PXDNL: variants seen among roughly 807,000 people sequenced by gnomAD.
The protein encoded by PXDNL is peroxidasin like.
PXDNL carries 145 observed loss-of-function variants against 150.8 expected under a neutral mutation model. The ratio of observed to expected loss-of-function variants is 0.96; its 90% CI spans 0.84 to 1.10. The LOEUF is 1.10. Among genes scored for constraint, PXDNL ranks in the 50% least tolerant of loss-of-function variants. The pLI, the probability that PXDNL is intolerant of heterozygous loss-of-function variation, is 0.00. For synonymous variants in PXDNL, 757 were observed against 725.7 expected (o/e 1.04, Z -0.69); for missense variants, 2,087 against 1,873.9 (o/e 1.11, Z -2.10).
intron 3 of PXDNL, among the ~76,000 whole-genome samples, chr8:51,586,100 C>T (rs537487125): frequency 1.3e-5 from 2 of 152,254 alleles, no homozygotes; most frequent in East Asian, 3.9e-4. Flanking sequence ...AAATATGGAG[C>T]CTGTTTCTCC....
At chr8:51,807,888 A>T (rs982934202) in intron 1 of PXDNL, among the ~76,000 whole-genome samples, 1 of 152,228 alleles carries the variant, frequency 6.6e-6, no homozygotes, top group Non-Finnish European at 1.5e-5. Flanking sequence ...CTGTCATTAC[A>T]AAAGGACAAA....
At chr8:51,783,060 G>T (rs1190528418) in intron 1 of PXDNL, among the ~76,000 whole-genome samples, 3 of 152,230 alleles carry the variant, frequency 2.0e-5, no homozygotes, top group Admixed American at 6.5e-5. Context: ...GAGTTAAAAT[G>T]TATTATTGCA....
chr8:51,620,335 G>T (rs1211665124), intron 2 of PXDNL, among the ~76,000 whole-genome samples: 2 of 152,132 alleles, frequency 1.3e-5, no homozygotes, highest in Admixed American at 6.5e-5. Flanking sequence ...ATCTCAATAT[G>T]TGAGATGGAA....
chr8:51,486,767 TATATATATATATATATATATATATATA>T (rs1563433352), intron 5 of PXDNL, among the ~76,000 whole-genome samples: 117 of 9,284 alleles, frequency 0.013, 3 homozygotes, highest in South Asian at 0.087. Context: ...TATATATATA[TATATATATATATATATATATATATATA>T]TTTTTTTTTT....
intron 1 of PXDNL, among the ~76,000 whole-genome samples, chr8:51,754,604 T>A (rs894007078): frequency 1.3e-5 from 2 of 151,968 alleles, no homozygotes; most frequent in Non-Finnish European, 2.9e-5. Flanking sequence ...CCTGGGTTCA[T>A]TCCATTCTCC....
intron 17 of PXDNL, among the ~76,000 whole-genome samples, chr8:51,389,217 G>T (rs541698555): frequency 2.7e-4 from 41 of 152,218 alleles, no homozygotes; most frequent in African/African-American, 9.6e-4. Flanking sequence ...TTTGACATGT[G>T]CTTGTGCGAG....
At chr8:51,453,865 G>A (rs755269435) in intron 9 of PXDNL, 80 bp from the exon 10 acceptor site, 3 of 1,461,738 alleles carry the variant, frequency 2.1e-6, no homozygotes, top group Middle Eastern at 2.5e-4. Context: ...GTGGTTTTAA[G>A]ATTATTGTCA....
intron 4 of PXDNL, among the ~76,000 whole-genome samples, chr8:51,540,020 C>T (rs11775250): frequency 6.6e-6 from 1 of 151,564 alleles, no homozygotes; most frequent in Non-Finnish European, 1.5e-5. Flanking sequence ...CCTCTCAGGT[C>T]TTCTGAGTAC....
intron 2 of PXDNL, among the ~76,000 whole-genome samples, chr8:51,640,042 G>C (rs918395896): frequency 6.6e-5 from 10 of 152,144 alleles, no homozygotes; most frequent in African/African-American, 2.2e-4. Context: ...TGGAAGGCTG[G>C]TTCAATATAT....
chr8:51,539,145 T>C (rs940934285), intron 4 of PXDNL, among the ~76,000 whole-genome samples: 1 of 152,192 alleles, frequency 6.6e-6, no homozygotes, highest in South Asian at 2.1e-4. Flanking sequence ...TTCTCATTTG[T>C]TCTTAATTTG....
intron 5 of PXDNL, among the ~76,000 whole-genome samples, chr8:51,491,890 C>T (rs1386463581): frequency 6.6e-6 from 1 of 152,180 alleles, no homozygotes; most frequent in African/African-American, 2.4e-5. Context: ...TGTCTTGCAC[C>T]AGGGCTGTCC....
intron 17 of PXDNL, among the ~76,000 whole-genome samples, chr8:51,393,398 C>A (rs1022530429): frequency 1.3e-5 from 2 of 152,178 alleles, no homozygotes; most frequent in Non-Finnish European, 2.9e-5. Flanking sequence ...ACAAAAGGCT[C>A]CACAGTGAGA....
chr8:51,537,285 C>T (rs900256278), intron 4 of PXDNL, among the ~76,000 whole-genome samples: 3 of 152,146 alleles, frequency 2.0e-5, no homozygotes, highest in African/African-American at 7.2e-5. Flanking sequence ...GCTGGACACC[C>T]TCTGGCTGGG....
At chr8:51,405,247 G>A (rs1462354437) in intron 17 of PXDNL, among the ~76,000 whole-genome samples, 1 of 152,214 alleles carries the variant, frequency 6.6e-6, no homozygotes, top group African/African-American at 2.4e-5. Context: ...GCGGGGTGAA[G>A]GGCTCCTCAA....
chr8:51,575,659 G>A (rs980578615), intron 3 of PXDNL, among the ~76,000 whole-genome samples: 1 of 152,058 alleles, frequency 6.6e-6, no homozygotes, highest in African/African-American at 2.4e-5. Flanking sequence ...AGGTTGCAGT[G>A]AGCAGAGATC....
intron 12 of PXDNL, among the ~76,000 whole-genome samples, chr8:51,442,653 T>C (rs763905520): frequency 5.9e-5 from 9 of 151,962 alleles, no homozygotes; most frequent in Admixed American, 6.6e-5. Flanking sequence ...TAATATAAAA[T>C]ATGTTAATTA....
chr8:51,809,316 G>A lies in PXDNL; in HGVS notation c.29C>T (p.Thr10Ile). Reference protein sequence around the residue: MEPRLFCWTTLFLLAGWCLP... With the variant: MEPRLFCWTILFLLAGWCLP... ...GCACCACCCGGCCAGGAGAAAGAGA[G>A]TGGTCCAGCAGAACAGTCTGGGCTC... The change falls in exon 1 of 23, where the codon ACT (threonine) becomes ATT (isoleucine). Residue 10 changes from threonine (T) to isoleucine (I), a missense_variant. Physicochemically the swap from Thr to Ile is moderately conservative, Grantham distance 89. Coordinates refer to ENST00000356297, the MANE Select transcript of PXDNL (RefSeq NM_144651.5). 6.4e-7 allele frequency: 1 copy of A among 1,568,214 alleles called. No homozygotes were observed. The highest frequency in any genetic ancestry group is 1.2e-5 in the South Asian group (1 of 85,644).
At chr8:51,591,085 G>T (rs1056785317) in intron 3 of PXDNL, among the ~76,000 whole-genome samples, 1 of 145,554 alleles carries the variant, frequency 6.9e-6, no homozygotes, top group African/African-American at 2.7e-5. Flanking sequence ...ATTATCATGG[G>T]AGTGGATTAG....
At chr8:51,708,483 C>G (rs558446607) in intron 1 of PXDNL, among the ~76,000 whole-genome samples, 1 of 152,090 alleles carries the variant, frequency 6.6e-6, no homozygotes, top group Non-Finnish European at 1.5e-5. Context: ...GAAACAGAAC[C>G]CTTATGAACT....
Sources: allele counts gnomAD v4.1 joint callset (sites outside exome capture counted in the v4.1 genomes callset), GRCh38; gene constraint gnomAD v4.1.1; transcripts MANE v1.5; gene names NCBI Gene and HGNC (gene_info 2026-07-23, HGNC 2026-07-21).